The following HEATR3 variants were observed in gnomAD, a reference collection of about 807,000 sequenced individuals.
The protein encoded by HEATR3 is HEAT repeat-containing protein 3.
Under a neutral mutation model 72.8 loss-of-function variants are expected in HEATR3, and 56 were observed. The observed-to-expected ratio is 0.77, with a 90% CI of 0.62 to 0.96. The LOEUF is 0.96. HEATR3 is among the 40% of genes least tolerant of loss of function. The pLI, the probability that HEATR3 is intolerant of heterozygous loss-of-function variation, is 0.00. For missense variants in HEATR3, 747 were observed against 831.4 expected, an observed-to-expected ratio of 0.90 and a Z score of 1.25; for synonymous variants, 331 against 318.1, an observed-to-expected ratio of 1.04 and a Z score of -0.43.
chr16:50,101,530 T>G (rs1048118151), intron 13 of HEATR3, among the ~76,000 whole-genome samples: 3 of 152,232 alleles, frequency 2.0e-5, no homozygotes, highest in African/African-American at 7.2e-5. Flanking sequence ...CATGTTATGT[T>G]TCCTGTGGGG....
intron 11 of HEATR3, among the ~76,000 whole-genome samples, chr16:50,092,072 C>T (rs945654251): frequency 2.0e-5 from 3 of 152,030 alleles, no homozygotes; most frequent in Non-Finnish European, 4.4e-5. Flanking sequence ...CGGAGTGGTG[C>T]ACACCTGTAA....
rs767591028 is a variant in HEATR3 at position 50,094,789 on chromosome 16, C to T, written c.1595C>T (p.Ser532Phe). The stretch of plus-strand genomic sequence containing the variant: ...CAAACAATGGCCTCCAAGAACATTT[C>T]CCAGGTAAGAGTTTTAAAATTTTTT... Reference protein sequence around the residue: ...LLQTMASKNISQCMTPDQLMT... With the variant: ...LLQTMASKNIFQCMTPDQLMT... The change falls in exon 12 of 15, where the codon TCC (serine) becomes TTC (phenylalanine). Residue 532 changes from serine to phenylalanine, a missense_variant. Physicochemically the swap from Ser to Phe is radical, Grantham distance 155. Around this residue, in one of 2 missense-constraint regions of HEATR3, gnomAD observed 586 missense variants for 708.8 expected, o/e 0.83. Transcript: ENST00000299192. 2.5e-6 allele frequency: 4 copies of T among 1,587,526 alleles called. No individual in the cohort carries two copies. The highest frequency in any genetic ancestry group is 3.4e-6 in the Non-Finnish European group (4 of 1,166,474).
chr16:50,066,982 G>T, intron 2 of HEATR3: 1 of 162,060 alleles, frequency 6.2e-6, no homozygotes. Context: ...CTAGTAAAAA[G>T]GTAAAACATA....
intron 6 of HEATR3, among the ~76,000 whole-genome samples, chr16:50,077,024 C>G (rs532939588): frequency 6.6e-6 from 1 of 151,862 alleles, no homozygotes; most frequent in South Asian, 2.1e-4. Context: ...CCTGCCACCA[C>G]GCCCAGCTAA....
In HEATR3 at chr16:50,068,832, G is replaced by C. The variant is rs769994196; in HGVS notation, c.364G>C (p.Asp122His). Residue 122 changes from aspartate (D) to histidine (H), a missense_variant, in exon 3 of 15, where the codon GAT (aspartate) becomes CAT (histidine). Coordinates refer to ENST00000299192, the MANE Select transcript of HEATR3 (RefSeq NM_182922.4). ...AGTTTGTGATGACATGGTGACTAAG[G>C]ATATCATGACCCCTCTGGTTGCGCT... ...FEVCDDMVTK[D>H]IMTPLVALLK... The C allele has an allele frequency of 6.2e-7, 1 of 1,614,008 alleles. No individual in the cohort carries two copies. Among genetic ancestry groups the C allele is most frequent in the South Asian group, 1.1e-5 (1 of 91,068 alleles).
Position 50,105,736 on chromosome 16 carries a change from T to G in HEATR3, c.*675T>G, listed in dbSNP as rs567298699. On this transcript the variant is annotated 3_prime_UTR_variant, in exon 15 of 15. Coordinates refer to ENST00000299192, the MANE Select transcript of HEATR3 (RefSeq NM_182922.4). ...CTTGTTTTTGTTTTTGGTTTTTTGG[T>G]TTGTTTTTTTTTTTCAGTAGAGACG... 1 of 151,516 alleles carries G rather than the reference T, an allele frequency of 6.6e-6. No homozygotes were observed. The highest frequency in any genetic ancestry group is 6.6e-5 in the Admixed American group (1 of 15,192). The allele number at this position is 151,516 out of a possible 1,614,324, so 9.4% of individuals were successfully genotyped here.
chr16:50,088,059 G>A (rs569480396), intron 11 of HEATR3, among the ~76,000 whole-genome samples: 8 of 152,224 alleles, frequency 5.3e-5, no homozygotes, highest in Admixed American at 1.3e-4. Context: ...CCCGGGAGGC[G>A]GAGGTTGTGG....
At position 50,105,133 on chromosome 16, in the gene HEATR3, A is replaced by G; in HGVS notation, c.*72A>G. ...TAGAATACTAAAAGGTTTTCTTTGA[A>G]TGTATATGTTTCTGAAAGTCATTTT... On this transcript the variant is annotated 3_prime_UTR_variant, in exon 15 of 15. Transcript: ENST00000299192. 1.4e-6 allele frequency: 2 copies of G among 1,473,478 alleles called. No homozygotes were observed. Among genetic ancestry groups the G allele is most frequent in the Non-Finnish European group, 9.3e-7 (1 of 1,074,486 alleles). 91.3% of individuals were successfully genotyped at this position (1,473,478 alleles called of 1,614,324 possible). A position where few individuals can be genotyped will look rare whatever the true frequency, so the allele number is the denominator to read the frequency against.
chr16:50,075,580 T>TGCAGACAG lies in HEATR3; in HGVS notation c.633_640dup (p.Val214GlyfsTer4). The TGCAGACAG allele has an allele frequency of 6.2e-7, 1 of 1,612,654 alleles. No individual in the cohort carries two copies. Among genetic ancestry groups the TGCAGACAG allele is most frequent in the Non-Finnish European group, 8.5e-7 (1 of 1,178,850 alleles). Reference sequence around the variant, plus strand: ...ATTTTTTGCCTCGTAGCATATTGTTTGCAGACAGTGACTGAGGATAACCCA... The same window carrying TGCAGACAG: ...ATTTTTTGCCTCGTAGCATATTGTTTGCAGACAGGCAGACAGTGACTGAGGATAACCCA... On this transcript the variant is annotated frameshift_variant, in exon 6 of 15. Coordinates refer to ENST00000299192, the MANE Select transcript of HEATR3 (RefSeq NM_182922.4). LOFTEE classifies it high-confidence loss of function.
intron 7 of HEATR3, among the ~76,000 whole-genome samples, chr16:50,080,630 C>T (rs185427856): frequency 1.0e-3 from 155 of 152,208 alleles, no homozygotes; most frequent in African/African-American, 3.5e-3. Flanking sequence ...TAAGCCACTG[C>T]GCCCAGCCTA....
intron 12 of HEATR3, 58 bp from the exon 13 acceptor site, chr16:50,100,172 T>C: frequency 6.5e-7 from 1 of 1,540,628 alleles, no homozygotes; most frequent in South Asian, 1.2e-5. Context: ...GGTTTTCACA[T>C]GCTGATAGAA....
chr16:50,067,442 G>A (rs1165367263), intron 2 of HEATR3, among the ~76,000 whole-genome samples: 1 of 152,118 alleles, frequency 6.6e-6, no homozygotes, highest in African/African-American at 2.4e-5. Flanking sequence ...ATAGGGGGAA[G>A]AATATTCCCC....
chr16:50,100,547 T>A, intron 13 of HEATR3, 174 bp downstream of exon 13: 1 of 565,296 alleles, frequency 1.8e-6, no homozygotes, highest in Non-Finnish European at 3.0e-6. Flanking sequence ...CTATGTGTAT[T>A]AATTAGGTAA....
chr16:50,072,908 C>T (rs1433324203), intron 5 of HEATR3, 194 bp downstream of exon 5: 1 of 510,634 alleles, frequency 2.0e-6, no homozygotes, highest in African/African-American at 2.0e-5. Context: ...TTCAGTTTTT[C>T]TGCTTTTGAC....
chr16:50,068,754 A>C, intron 2 of HEATR3, 26 bp from the exon 3 acceptor site: 1 of 1,565,246 alleles, frequency 6.4e-7, no homozygotes, highest in East Asian at 2.2e-5. Context: ...TGTGAAAGTA[A>C]AACATGTTTT....
chr16:50,081,635 T>C (rs1284727553), intron 7 of HEATR3, among the ~76,000 whole-genome samples: 1 of 152,188 alleles, frequency 6.6e-6, no homozygotes, highest in Non-Finnish European at 1.5e-5. Context: ...GCCAGTAGGA[T>C]GCCAGGAACA....
In HEATR3 at chr16:50,102,258, G is replaced by A; in HGVS notation, c.1744-1G>A. 2.5e-6 allele frequency: 4 copies of A among 1,609,980 alleles called. No individual in the cohort carries two copies. The highest frequency in any genetic ancestry group is 3.4e-6 in the Non-Finnish European group (4 of 1,178,890). ...TACTAAATGTGTTTTGTTGTTTCCA[G>A]AACATTGGGTGCTTTCTGCTTGAAG... On this transcript the variant is annotated splice_acceptor_variant, in intron 13 of 14. Transcript: ENST00000299192. LOFTEE classifies it high-confidence loss of function.
At chr16:50,081,289 A>G (rs2036860402) in intron 7 of HEATR3, among the ~76,000 whole-genome samples, 1 of 152,032 alleles carries the variant, frequency 6.6e-6, no homozygotes, top group Admixed American at 6.6e-5. Flanking sequence ...AAAATACAAA[A>G]ATTAGGTAGG....
chr16:50,086,117 T>G (rs2036980655), intron 10 of HEATR3, 98 bp from the exon 11 acceptor site: 2 of 1,123,814 alleles, frequency 1.8e-6, no homozygotes, highest in African/African-American at 3.1e-5. Context: ...TTTACAGATA[T>G]TTCCAGTCAG....
Sources: allele counts gnomAD v4.1 joint callset (sites outside exome capture counted in the v4.1 genomes callset), GRCh38; gene constraint gnomAD v4.1.1; regional missense constraint gnomAD v4.1.1; transcripts MANE v1.5; gene names NCBI Gene and HGNC (gene_info 2026-07-23, HGNC 2026-07-21).